PPARGC1A: variants seen among roughly 807,000 people sequenced by gnomAD.
PPARGC1A encodes peroxisome proliferator-activated receptor gamma coactivator 1-alpha.
PPARGC1A carries 25 observed loss-of-function variants against 88.7 expected under a neutral mutation model. That is an observed-to-expected ratio of 0.28 (90% CI 0.21 to 0.39). The LOEUF (loss-of-function observed/expected upper bound fraction) is 0.39, where lower values mean the gene tolerates loss of function less well. PPARGC1A is among the 10% of genes least tolerant of loss of function. PPARGC1A has a pLI of 1.00. For missense variants in PPARGC1A, 880 were observed against 968.7 expected (o/e 0.91, Z 1.22); for synonymous variants, 363 against 355.6 (o/e 1.02, Z -0.24).
At chr4:24,334,134 C>T in the PPARGC1A span, among the ~76,000 whole-genome samples, 1 of 151,918 alleles carries the variant, frequency 6.6e-6, no homozygotes, top group Non-Finnish European at 1.5e-5. Flanking sequence ...GTATTTCTAA[C>T]AGGAATTTTG....
At chr4:23,851,659 T>C (rs1039352391) in intron 2 of PPARGC1A, among the ~76,000 whole-genome samples, 9 of 152,282 alleles carry the variant, frequency 5.9e-5, no homozygotes, top group Middle Eastern at 3.4e-3. Flanking sequence ...TGCAAAAAAC[T>C]TAACACTGTG....
the PPARGC1A span, among the ~76,000 whole-genome samples, chr4:24,139,049 T>G: frequency 2.6e-5 from 4 of 152,320 alleles, no homozygotes; most frequent in East Asian, 7.7e-4. Context: ...GCAGTTTTTC[T>G]TCCTTTGAAT....
At chr4:24,302,778 G>T in the PPARGC1A span, among the ~76,000 whole-genome samples, 615 of 152,318 alleles carry the variant, frequency 4.0e-3, 7 homozygotes, top group African/African-American at 0.014. Flanking sequence ...ATCCAAAGGG[G>T]TTTCTGGGAA....
chr4:24,174,918 G>A, the PPARGC1A span, among the ~76,000 whole-genome samples: 2 of 152,164 alleles, frequency 1.3e-5, no homozygotes, highest in Non-Finnish European at 2.9e-5. Context: ...CCAACGCAGG[G>A]CCTCTTTATA....
chr4:24,353,083 T>G, the PPARGC1A span, among the ~76,000 whole-genome samples: 1 of 152,256 alleles, frequency 6.6e-6, no homozygotes, highest in Admixed American at 6.5e-5. Context: ...TTCAGGGGCA[T>G]GTTGCATCCA....
the PPARGC1A span, among the ~76,000 whole-genome samples, chr4:24,158,929 TCAC>T: frequency 6.6e-6 from 1 of 152,208 alleles, no homozygotes; most frequent in Non-Finnish European, 1.5e-5. Flanking sequence ...CTACATCTTA[TCAC>T]CTCTGATATC....
the PPARGC1A span, among the ~76,000 whole-genome samples, chr4:23,998,978 T>C: frequency 1.3e-5 from 2 of 152,344 alleles, no homozygotes; most frequent in Middle Eastern, 6.8e-3. Context: ...GTCATGCACA[T>C]TGAGATCAAT....
the PPARGC1A span, among the ~76,000 whole-genome samples, chr4:24,136,366 C>T: frequency 3.3e-5 from 5 of 152,250 alleles, no homozygotes; most frequent in Admixed American, 1.3e-4. Context: ...CATGGAAAGA[C>T]GTAGAGTTAC....
At chr4:23,988,032 CAT>C in the PPARGC1A span, among the ~76,000 whole-genome samples, 1 of 150,742 alleles carries the variant, frequency 6.6e-6, no homozygotes, top group Non-Finnish European at 1.5e-5. Context: ...TGAGTGAGAA[CAT>C]GTGGTGTTTT....
chr4:23,802,014 C>T (rs1273295749), intron 11 of PPARGC1A, 133 bp from the exon 12 acceptor site: 2 of 1,304,190 alleles, frequency 1.5e-6, no homozygotes, highest in African/African-American at 1.5e-5. Flanking sequence ...TGTGATTGTC[C>T]TGTCAAGCAG....
At chr4:23,890,093 T>C (rs933586964), upstream of PPARGC1A, 19 of 1,396,174 alleles carry the variant, frequency 1.4e-5, no homozygotes, top group Admixed American at 1.3e-4. Flanking sequence ...CCCAGTCACA[T>C]GACAAAGCTA....
chr4:24,088,818 TAA>T, the PPARGC1A span, among the ~76,000 whole-genome samples: 1 of 152,160 alleles, frequency 6.6e-6, no homozygotes, highest in African/African-American at 2.4e-5. Context: ...AATAATGAGA[TAA>T]AATTTAATTC....
chr4:24,182,063 T>C, the PPARGC1A span, among the ~76,000 whole-genome samples: 1 of 152,098 alleles, frequency 6.6e-6, no homozygotes, highest in Non-Finnish European at 1.5e-5. Context: ...ATATGTGCCA[T>C]GGTGGTTTGC....
intron 8 of PPARGC1A, 122 bp downstream of exon 8, chr4:23,813,568 G>T: frequency 1.2e-6 from 1 of 855,080 alleles, no homozygotes. Context: ...TTCCAGCAGT[G>T]CCAGAATTGC....
the PPARGC1A span, among the ~76,000 whole-genome samples, chr4:23,971,251 T>C: frequency 6.6e-6 from 1 of 152,116 alleles, no homozygotes; most frequent in African/African-American, 2.4e-5. Context: ...TTTAAGGTAA[T>C]AGTAATGTAG....
the PPARGC1A span, among the ~76,000 whole-genome samples, chr4:24,232,822 A>G: frequency 6.6e-6 from 1 of 152,240 alleles, no homozygotes; most frequent in Non-Finnish European, 1.5e-5. Flanking sequence ...TTATGCTAAA[A>G]TGCAAATAAT....
chr4:24,312,648 A>AG, the PPARGC1A span, among the ~76,000 whole-genome samples: 4 of 151,684 alleles, frequency 2.6e-5, no homozygotes, highest in African/African-American at 9.7e-5. Context: ...AAAAAAAAAA[A>AG]AAGATTGCAA....
the PPARGC1A span, among the ~76,000 whole-genome samples, chr4:24,339,567 T>A: frequency 6.6e-6 from 1 of 152,154 alleles, no homozygotes; most frequent in African/African-American, 2.4e-5. Flanking sequence ...TAATGCCCGT[T>A]CCACCATGTG....
chr4:24,336,796 C>T, the PPARGC1A span, among the ~76,000 whole-genome samples: 2 of 152,094 alleles, frequency 1.3e-5, no homozygotes, highest in African/African-American at 4.8e-5. Flanking sequence ...AACACAGTGG[C>T]TTGCACCTGT....
Sources: allele counts gnomAD v4.1 joint callset (sites outside exome capture counted in the v4.1 genomes callset), GRCh38; gene constraint gnomAD v4.1.1; transcripts MANE v1.5; gene names NCBI Gene and HGNC (gene_info 2026-07-23, HGNC 2026-07-21).